The following PCDH7 variants were observed in gnomAD, a reference collection of about 807,000 sequenced individuals.
The protein encoded by PCDH7 is protocadherin-7.
A neutral mutation model predicts 58.9 loss-of-function variants in PCDH7; 17 were observed. The ratio of observed to expected loss-of-function variants is 0.29; its 90% CI spans 0.20 to 0.43. The LOEUF (loss-of-function observed/expected upper bound fraction) is 0.43. Ranked by LOEUF, PCDH7 falls within the 20% of genes least tolerant of loss-of-function variation. PCDH7 has a pLI of 1.00. For missense variants in PCDH7, 1,274 were observed against 1,441.0 expected (o/e 0.88, Z 1.88); for synonymous variants, 664 against 616.4 (o/e 1.08, Z -1.14).
intron 1 of PCDH7, among the ~76,000 whole-genome samples, chr4:30,832,688 C>T (rs1729950195): frequency 6.6e-6 from 1 of 152,118 alleles, no homozygotes; most frequent in Admixed American, 6.6e-5. Context: ...AGCCATTCAT[C>T]CATTAATTTA....
At chr4:30,933,665 A>G (rs546558130) in intron 2 of PCDH7, among the ~76,000 whole-genome samples, 1 of 152,104 alleles carries the variant, frequency 6.6e-6, no homozygotes, top group Non-Finnish European at 1.5e-5. Flanking sequence ...CTCTCTAAAC[A>G]TTCACCAACT....
intron 3 of PCDH7, among the ~76,000 whole-genome samples, chr4:31,026,341 G>A (rs1754421985): frequency 6.6e-6 from 1 of 152,144 alleles, no homozygotes; most frequent in Admixed American, 6.5e-5. Context: ...TTTTGATGTG[G>A]AAGTAGCAAG....
intron 1 of PCDH7, among the ~76,000 whole-genome samples, chr4:30,864,370 A>C (rs532959457): frequency 6.6e-6 from 1 of 151,864 alleles, no homozygotes; most frequent in East Asian, 1.9e-4. Context: ...TTTAATAAGC[A>C]GTTATTATGA....
chr4:31,146,698 G>A (rs1720702102), downstream of PCDH7: 3 of 152,094 alleles, frequency 2.0e-5, no homozygotes, highest in Admixed American at 2.0e-4. Context: ...AACTATTTAT[G>A]AAATACTTTG....
chr4:30,841,440 A>G (rs1425702363), intron 1 of PCDH7, among the ~76,000 whole-genome samples: 1 of 152,144 alleles, frequency 6.6e-6, no homozygotes, highest in Non-Finnish European at 1.5e-5. Context: ...CTTTTCAGTT[A>G]AAAAGAACAT....
chr4:30,907,875 A>T (rs950901155), intron 1 of PCDH7, among the ~76,000 whole-genome samples: 4 of 152,204 alleles, frequency 2.6e-5, no homozygotes, highest in African/African-American at 9.7e-5. Context: ...GATAAACTAG[A>T]TTAAGAAAAT....
intron 3 of PCDH7, among the ~76,000 whole-genome samples, chr4:31,033,920 C>T (rs2054287476): frequency 6.6e-6 from 1 of 152,004 alleles, no homozygotes; most frequent in Admixed American, 6.6e-5. Context: ...ATGGTGAAAC[C>T]CCATCTCTAC....
intron 1 of PCDH7, among the ~76,000 whole-genome samples, chr4:30,783,437 T>C (rs555594675): frequency 7.9e-5 from 12 of 152,338 alleles, no homozygotes; most frequent in Admixed American, 3.3e-4. Context: ...TGAATATTCA[T>C]GGAATCATTT....
chr4:30,912,312 G>A (rs1197976694), intron 1 of PCDH7, among the ~76,000 whole-genome samples: 1 of 152,172 alleles, frequency 6.6e-6, no homozygotes, highest in Non-Finnish European at 1.5e-5. Flanking sequence ...CACTGACACT[G>A]GTTGAGACTG....
At chr4:30,771,485 G>T (rs908073405) in intron 1 of PCDH7, among the ~76,000 whole-genome samples, 8 of 152,162 alleles carry the variant, frequency 5.3e-5, no homozygotes, top group Admixed American at 3.3e-4. Flanking sequence ...AGGCACTCGT[G>T]GGGGCTGGGG....
intron 1 of PCDH7, among the ~76,000 whole-genome samples, chr4:30,858,616 C>T (rs978452045): frequency 1.3e-5 from 2 of 152,110 alleles, no homozygotes; most frequent in African/African-American, 4.8e-5. Flanking sequence ...TACCTTTCTG[C>T]ACATATAAGT....
At chr4:30,893,849 A>G (rs778380652) in intron 1 of PCDH7, among the ~76,000 whole-genome samples, 31 of 152,124 alleles carry the variant, frequency 2.0e-4, no homozygotes, top group Non-Finnish European at 4.1e-4. Context: ...ACAGGCCTGC[A>G]TGTATCATCT....
chr4:30,787,098 T>A (rs1723498886), intron 1 of PCDH7, among the ~76,000 whole-genome samples: 1 of 152,062 alleles, frequency 6.6e-6, no homozygotes, highest in African/African-American at 2.4e-5. Flanking sequence ...ATCGCCATAC[T>A]CAGGAGTATG....
chr4:31,104,033 G>T (rs906472699), intron 3 of PCDH7, among the ~76,000 whole-genome samples: 1 of 152,182 alleles, frequency 6.6e-6, no homozygotes, highest in Non-Finnish European at 1.5e-5. Flanking sequence ...TTCCTTGGTG[G>T]TCAAAAGCCA....
At chr4:30,861,093 G>A (rs1560444090) in intron 1 of PCDH7, among the ~76,000 whole-genome samples, 1 of 152,200 alleles carries the variant, frequency 6.6e-6, no homozygotes, top group Non-Finnish European at 1.5e-5. Context: ...GGGAGCATGT[G>A]CGCAAGAGAG....
intron 1 of PCDH7, among the ~76,000 whole-genome samples, chr4:30,788,528 T>C (rs974197217): frequency 4.6e-5 from 7 of 152,124 alleles, no homozygotes; most frequent in Non-Finnish European, 7.4e-5. Flanking sequence ...ATTGAATATT[T>C]TTTGTGACCA....
exon 4 of PCDH7, chr4:31,142,862 C>G: frequency 7.4e-7 from 1 of 1,350,942 alleles, no homozygotes; most frequent in Non-Finnish European, 9.8e-7. Context: ...TATAAAGGAG[C>G]AACAGCAAAG....
At chr4:30,785,941 C>T in intron 1 of PCDH7, among the ~76,000 whole-genome samples, 1 of 152,022 alleles carries the variant, frequency 6.6e-6, no homozygotes, top group East Asian at 1.9e-4. Context: ...TGGAAAAAGA[C>T]ACTTTGTGTA....
intron 1 of PCDH7, among the ~76,000 whole-genome samples, chr4:30,830,677 AGGTCATTGT>A (rs997444932): frequency 1.3e-4 from 19 of 151,954 alleles, no homozygotes; most frequent in Non-Finnish European, 2.6e-4. Context: ...GGGATTTGGG[AGGTCATTGT>A]GGTTACTTCT....
Sources: gnomAD v4.1 joint callset for allele counts (sites outside exome capture counted in the v4.1 genomes callset) on GRCh38, gnomAD v4.1.1 for gene constraint, MANE v1.5 for transcripts, NCBI Gene and HGNC (gene_info 2026-07-23, HGNC 2026-07-21) for gene names.